MED12L: variants seen among roughly 807,000 people sequenced by gnomAD.
MED12L encodes the protein mediator of RNA polymerase II transcription subunit 12-like protein.
Under a neutral mutation model 281.3 loss-of-function variants are expected in MED12L, and 60 were observed. The observed-to-expected ratio is 0.21, with a 90% confidence interval of 0.17 to 0.26. The LOEUF is 0.26. Ranked by LOEUF, MED12L falls within the 10% of genes least tolerant of loss-of-function variation. MED12L has a pLI of 1.00. For synonymous variants in MED12L, 974 were observed against 987.2 expected, an observed-to-expected ratio of 0.99 and a Z score of 0.25; for missense variants, 2,146 against 2,680.9, an observed-to-expected ratio of 0.80 and a Z score of 4.41.
intron 16 of MED12L, among the ~76,000 whole-genome samples, chr3:151,300,625 T>C (rs560748806): frequency 9.9e-5 from 15 of 152,260 alleles, no homozygotes; most frequent in African/African-American, 3.1e-4. Context: ...AATATGCTTA[T>C]AGGACAGTTT....
At chr3:151,231,952 G>A (rs188383370) in intron 16 of MED12L, among the ~76,000 whole-genome samples, 2 of 152,230 alleles carry the variant, frequency 1.3e-5, no homozygotes, top group African/African-American at 4.8e-5. Flanking sequence ...TGTATTCATG[G>A]GCTTTTTTTG....
intron 16 of MED12L, among the ~76,000 whole-genome samples, chr3:151,281,439 T>A (rs1742797566): frequency 6.6e-6 from 1 of 151,660 alleles, no homozygotes; most frequent in South Asian, 2.1e-4. Flanking sequence ...TAAAAAGATA[T>A]TTTATTATGA....
intron 16 of MED12L, among the ~76,000 whole-genome samples, chr3:151,284,947 A>C (rs1743275321): frequency 6.6e-6 from 1 of 152,008 alleles, no homozygotes; most frequent in African/African-American, 2.4e-5. Flanking sequence ...CCATTTAAGG[A>C]ACAGCTGTGC....
At chr3:151,118,737 A>C (rs1318908296) in intron 3 of MED12L, among the ~76,000 whole-genome samples, 1 of 149,078 alleles carries the variant, frequency 6.7e-6, no homozygotes, top group Non-Finnish European at 1.5e-5. Context: ...TCCGTCGCCC[A>C]GGCTGGAGTG....
chr3:151,426,542 G>GT (rs1447017972), intron 43 of MED12L, among the ~76,000 whole-genome samples: 1 of 152,168 alleles, frequency 6.6e-6, no homozygotes, highest in Non-Finnish European at 1.5e-5. Context: ...GTAAAACACT[G>GT]TAAGAAGATT....
chr3:151,210,694 A>C (rs1360702438), intron 16 of MED12L, among the ~76,000 whole-genome samples: 2 of 152,240 alleles, frequency 1.3e-5, no homozygotes, highest in Non-Finnish European at 2.9e-5. Flanking sequence ...CAGAGTAGCC[A>C]TTAGCATATT....
At chr3:151,330,160 G>A (rs1281603708) in intron 16 of MED12L, among the ~76,000 whole-genome samples, 2 of 152,158 alleles carry the variant, frequency 1.3e-5, no homozygotes, top group Non-Finnish European at 2.9e-5. Context: ...TTTGAAAATA[G>A]TATCTAACAC....
Position 151,360,575 on chromosome 3 carries a change from A to C in MED12L, c.2927A>C (p.His976Pro). The change falls in exon 21 of 45, where the codon CAC becomes CCC. Residue 976 changes from histidine to proline, a missense_variant. Around this residue, in one of 9 missense-constraint regions of MED12L, gnomAD observed 404 missense variants for 603.5 expected, o/e 0.67. Transcript: ENST00000687756. ...TATGATCTCTATGTGTCATGTAGCC[A>C]CCTCAGAAGTAAATTTGGAGACCTC... ...YLYDLYVSCS[H>P]LRSKFGDLFS... 3 of 1,612,620 alleles carry C rather than the reference A, an allele frequency of 1.9e-6. No individual in the cohort carries two copies. Among genetic ancestry groups the C allele is most frequent in the Non-Finnish European group, 2.5e-6 (3 of 1,179,044 alleles).
At chr3:151,295,082 G>A (rs1744900679) in intron 16 of MED12L, 1 of 1,613,430 alleles carries the variant, frequency 6.2e-7, no homozygotes, top group African/African-American at 1.3e-5. Flanking sequence ...CAAGATGCTT[G>A]CCACAAATAT....
rs1427527009 is a variant in MED12L at position 151,435,688 on chromosome 3, C to G, written c.*2884C>G. 6.6e-6 allele frequency: 1 copy of G among 152,044 alleles called. No individual in the cohort carries two copies. Among genetic ancestry groups the G allele is most frequent in the Non-Finnish European group, 1.5e-5 (1 of 68,028 alleles). 9.4% of individuals were successfully genotyped at this position (152,044 alleles called of 1,614,324 possible). A position where few individuals can be genotyped will look rare whatever the true frequency, so the allele number is the denominator to read the frequency against. On this transcript the variant is annotated 3_prime_UTR_variant, in exon 45 of 45. Transcript: ENST00000687756. ...GAAATTACACTGGAAAACCCCACCC[C>G]TAGATTTAGATAAGATCAATCATTT...
chr3:151,370,508 G>A (rs1199742733), intron 26 of MED12L, among the ~76,000 whole-genome samples: 3 of 152,100 alleles, frequency 2.0e-5, no homozygotes, highest in African/African-American at 4.8e-5. Flanking sequence ...ATACACACAC[G>A]GGCCTGTGAA....
chr3:151,242,432 C>A (rs1328123111), intron 16 of MED12L, among the ~76,000 whole-genome samples: 3 of 152,174 alleles, frequency 2.0e-5, no homozygotes, highest in Non-Finnish European at 2.9e-5. Context: ...GATCTGAGAA[C>A]CGGCAGACTG....
At chr3:151,246,596 C>A (rs1183644839) in intron 16 of MED12L, among the ~76,000 whole-genome samples, 3 of 152,144 alleles carry the variant, frequency 2.0e-5, no homozygotes, top group African/African-American at 7.2e-5. Flanking sequence ...GGATCCCTTT[C>A]TTACACCTTA....
chr3:151,165,426 G>A lies in MED12L; in HGVS notation c.1264G>A (p.Ala422Thr), dbSNP rs369267262. ...GNTAFNQQVR[A>T]RIYEVEQQIK... ...AGAAGCGATTATCTTTCAGGTTCGG[G>A]CAAGGATTTATGAAGTAGAACAACA... The change falls in exon 10 of 45, where the codon GCA becomes ACA. Residue 422 changes from alanine (A) to threonine (T), a missense_variant. Physicochemically the swap from Ala to Thr is moderately conservative, Grantham distance 58. Around this residue, in one of 9 missense-constraint regions of MED12L, gnomAD observed 722 missense variants for 861.2 expected, o/e 0.84. Transcript: ENST00000687756. 8 of 1,613,350 alleles carry A rather than the reference G, an allele frequency of 5.0e-6. No individual in the cohort carries two copies. The African/African-American group carries it at 1.1e-4, about 22-fold the overall frequency.
intron 11 of MED12L, among the ~76,000 whole-genome samples, chr3:151,169,203 C>T (rs1721121414): frequency 6.6e-6 from 1 of 150,436 alleles, no homozygotes; most frequent in Non-Finnish European, 1.5e-5. Context: ...CTGCAACCTC[C>T]ACTTCCTGGG....
chr3:151,347,419 A>G (rs1752670953), intron 16 of MED12L, among the ~76,000 whole-genome samples: 1 of 152,238 alleles, frequency 6.6e-6, no homozygotes, highest in African/African-American at 2.4e-5. Flanking sequence ...CTAATGAGGA[A>G]GACAGACATT....
intron 5 of MED12L, among the ~76,000 whole-genome samples, chr3:151,135,477 G>A (rs1389571146): frequency 6.6e-6 from 1 of 152,196 alleles, no homozygotes; most frequent in Non-Finnish European, 1.5e-5. Flanking sequence ...TACTCCGTTG[G>A]GAACTTTGCA....
In MED12L at chr3:151,338,817, G is replaced by A. The variant is rs771379536; in HGVS notation, c.2251-11242G>A. The A allele has an allele frequency of 3.6e-5, 58 of 1,613,682 alleles. No homozygotes were observed. The highest frequency in any genetic ancestry group is 3.3e-4 in the Middle Eastern group (2 of 6,080). Reference sequence around the variant, plus strand: ...GGTGCACAGACTGGTGTTACCAGGCGCAGAGGTGAGGTTGTCGACGGCTTG... The same window carrying A: ...GGTGCACAGACTGGTGTTACCAGGCACAGAGGTGAGGTTGTCGACGGCTTG... On this transcript the variant is annotated intron_variant, in intron 16 of 44. Coordinates refer to ENST00000687756, the MANE Select transcript of MED12L (RefSeq NM_001393769.1).
At chr3:151,367,507 A>T in intron 23 of MED12L, 139 bp from the exon 24 acceptor site, 1 of 658,968 alleles carries the variant, frequency 1.5e-6, no homozygotes, top group Non-Finnish European at 2.4e-6. Context: ...AATCATCATG[A>T]TATGTTATCA....
Sources: gnomAD v4.1 joint callset for allele counts (sites outside exome capture counted in the v4.1 genomes callset) on GRCh38, gnomAD v4.1.1 for gene constraint, gnomAD v4.1.1 regional missense constraint, MANE v1.5 for transcripts, NCBI Gene and HGNC (gene_info 2026-07-23, HGNC 2026-07-21) for gene names.